Variants in WDFY4 observed in about 807,000 individuals in gnomAD.
WDFY4 encodes WDFY family member 4.
A neutral mutation model predicts 351.9 loss-of-function variants in WDFY4; 169 were observed. That is an observed-to-expected ratio of 0.48 (90% CI 0.42 to 0.55). WDFY4 has a LOEUF of 0.55. Among genes scored for constraint, WDFY4 ranks in the 20% least tolerant of loss-of-function variants. The pLI, the probability that WDFY4 is intolerant of heterozygous loss-of-function variation, is 0.00. For synonymous variants in WDFY4, 1,622 were observed against 1,574.6 expected (o/e 1.03, Z -0.71); for missense variants, 3,803 against 3,935.6 (o/e 0.97, Z 0.90).
At chr10:48,877,337 C>A in intron 43 of WDFY4, 138 bp downstream of exon 43, 4 of 858,072 alleles carry the variant, frequency 4.7e-6, no homozygotes, top group African/African-American at 1.7e-5. Flanking sequence ...ACACAATAAT[C>A]AGTGAAAAAA....
intron 51 of WDFY4, among the ~76,000 whole-genome samples, chr10:48,954,011 T>C (rs1238255446): frequency 6.6e-6 from 1 of 152,240 alleles, no homozygotes; most frequent in Non-Finnish European, 1.5e-5. Flanking sequence ...GTCCCCTGAT[T>C]TTAACTTGGA....
At chr10:48,757,199 C>T (rs1047665742) in intron 12 of WDFY4, among the ~76,000 whole-genome samples, 16 of 152,058 alleles carry the variant, frequency 1.1e-4, no homozygotes, top group African/African-American at 3.6e-4. Context: ...TAGTTTATGA[C>T]TTTGAAGGAA....
chr10:48,868,753 C>T (rs191551678), intron 40 of WDFY4, among the ~76,000 whole-genome samples: 11 of 152,266 alleles, frequency 7.2e-5, no homozygotes, highest in South Asian at 4.2e-4. Flanking sequence ...ATCTGCATCT[C>T]GTCTAGAGTG....
At chr10:48,915,461 C>A (rs1838432843) in intron 47 of WDFY4, among the ~76,000 whole-genome samples, 1 of 151,788 alleles carries the variant, frequency 6.6e-6, no homozygotes, top group Non-Finnish European at 1.5e-5. Flanking sequence ...CAGAAGTATG[C>A]CCTTGGGAGA....
intron 19 of WDFY4, among the ~76,000 whole-genome samples, chr10:48,781,556 A>C (rs1440807996): frequency 1.3e-5 from 2 of 152,148 alleles, no homozygotes; most frequent in African/African-American, 2.4e-5. Context: ...TTGCCCTCCC[A>C]AAGTGCTGGG....
Position 48,796,280 on chromosome 10 carries a change from T to C in WDFY4, c.4258-18T>C. On this transcript the variant is annotated intron_variant, in intron 23 of 61. Coordinates refer to ENST00000325239, the MANE Select transcript of WDFY4 (RefSeq NM_001394531.1). ...ATGATGCATTCATGAGGAAACTGCT[T>C]TGTGTTAACCTTTTCAGATAATGGC... 1 of 1,546,034 alleles carries C rather than the reference T, an allele frequency of 6.5e-7. No individual in the cohort carries two copies. The highest frequency in any genetic ancestry group is 8.7e-7 in the Non-Finnish European group (1 of 1,143,392).
intron 32 of WDFY4, among the ~76,000 whole-genome samples, chr10:48,819,362 G>A (rs1209061077): frequency 1.3e-5 from 2 of 152,188 alleles, no homozygotes; most frequent in Non-Finnish European, 2.9e-5. Context: ...GAATTTATAT[G>A]GCATCTTTCC....
intron 11 of WDFY4, among the ~76,000 whole-genome samples, chr10:48,738,838 C>T (rs887967850): frequency 2.6e-5 from 4 of 152,128 alleles, no homozygotes; most frequent in African/African-American, 9.7e-5. Context: ...TAAAGGTTTC[C>T]CATCTCCGAA....
intron 13 of WDFY4, among the ~76,000 whole-genome samples, chr10:48,768,711 G>A (rs1291117706): frequency 7.1e-6 from 1 of 141,520 alleles, no homozygotes; most frequent in South Asian, 2.2e-4. Context: ...TGTTGTGGGG[G>A]TGGGAGAGGA....
intron 39 of WDFY4, among the ~76,000 whole-genome samples, chr10:48,848,977 T>A (rs754589609): frequency 3.3e-5 from 5 of 152,128 alleles, no homozygotes; most frequent in Non-Finnish European, 5.9e-5. Flanking sequence ...GAATGACCAA[T>A]GAGAACTTGG....
chr10:48,823,117 TAC>T, intron 35 of WDFY4: 1 of 1,301,378 alleles, frequency 7.7e-7, no homozygotes, highest in Admixed American at 2.3e-5. Flanking sequence ...TGCATGCATA[TAC>T]ACACAGAGAG....
chr10:48,936,684 A>G (rs1040232836), intron 47 of WDFY4, among the ~76,000 whole-genome samples: 5 of 151,582 alleles, frequency 3.3e-5, no homozygotes, highest in African/African-American at 9.7e-5. Context: ...AAAAATACAA[A>G]AACATTAGTT....
At chr10:48,788,413 A>G in intron 20 of WDFY4, 117 bp from the exon 21 acceptor site, 2 of 1,273,322 alleles carry the variant, frequency 1.6e-6, no homozygotes, top group Non-Finnish European at 2.1e-6. Context: ...ATGTGACAAC[A>G]TACAAACATC....
intron 13 of WDFY4, among the ~76,000 whole-genome samples, chr10:48,772,244 G>A (rs75050862): frequency 0.19 from 29,208 of 151,912 alleles, 2,957 homozygotes; most frequent in East Asian, 0.35. Context: ...TGTCTCAGCC[G>A]GAGCCCCTGG....
intron 37 of WDFY4, 47 bp downstream of exon 37, chr10:48,828,943 A>AGAG (rs2068098215): frequency 6.8e-5 from 1 of 14,648 alleles, no homozygotes; most frequent in African/African-American, 2.6e-4. Context: ...GGGGGCGGGG[A>AGAG]GGGGGTGGTG....
At chr10:48,863,671 T>C (rs930019650) in intron 39 of WDFY4, among the ~76,000 whole-genome samples, 1 of 152,214 alleles carries the variant, frequency 6.6e-6, no homozygotes, top group African/African-American at 2.4e-5. Flanking sequence ...AATAGTGTCT[T>C]TCGAAGCACA....
chr10:48,789,549 T>C (rs945552957), intron 21 of WDFY4, among the ~76,000 whole-genome samples: 1 of 152,200 alleles, frequency 6.6e-6, no homozygotes, highest in Non-Finnish European at 1.5e-5. Context: ...CTCACCTTGG[T>C]AGCGCTGTTC....
At chr10:48,701,449 C>T (rs915979501) in intron 1 of WDFY4, among the ~76,000 whole-genome samples, 1 of 152,162 alleles carries the variant, frequency 6.6e-6, no homozygotes, top group Non-Finnish European at 1.5e-5. Flanking sequence ...ATTGACCTAC[C>T]TTGTCTATTA....
intron 39 of WDFY4, among the ~76,000 whole-genome samples, chr10:48,833,172 T>TGAGAGAGAGAGAGA: frequency 1.5e-5 from 2 of 135,902 alleles, no homozygotes; most frequent in African/African-American, 5.5e-5. Context: ...TGTGTGTGTG[T>TGAGAGAGAGAGAGA]GAGAGAGAGA....
Sources: gnomAD v4.1 joint callset for allele counts (sites outside exome capture counted in the v4.1 genomes callset) on GRCh38, gnomAD v4.1.1 for gene constraint, MANE v1.5 for transcripts, NCBI Gene and HGNC (gene_info 2026-07-23, HGNC 2026-07-21) for gene names.